Variants in HTN1 observed in about 807,000 individuals in gnomAD.
HTN1 encodes the protein histatin 1.
In HTN1, 18 loss-of-function variants were observed where a neutral mutation model predicts 11.2. The observed-to-expected ratio is 1.61, with a 90% CI of 1.12 to 2.39. HTN1 has a LOEUF of 2.39. Among genes scored for constraint, HTN1 ranks in the 30% most tolerant of loss-of-function variants. The pLI is 0.00. For missense variants in HTN1, 80 were observed against 67.2 expected (o/e 1.19, Z -0.67); for synonymous variants, 21 against 20.5 (o/e 1.02, Z -0.07).
intron 2 of HTN1, among the ~76,000 whole-genome samples, 174 bp from the exon 3 acceptor site, chr4:70,054,148 C>T (rs1466713239): frequency 1.3e-5 from 2 of 151,906 alleles, no homozygotes; most frequent in African/African-American, 2.4e-5. Context: ...ATAGCATTTA[C>T]CCCTCACTCA....
chr4:70,052,810 AAG>A (rs1725929756), intron 1 of HTN1: 1 of 305,206 alleles, frequency 3.3e-6, no homozygotes, highest in South Asian at 8.1e-5. Context: ...AAAAAAAAGA[AAG>A]AAAAAATTCG....
intron 2 of HTN1, among the ~76,000 whole-genome samples, chr4:70,053,851 T>A (rs1168827710): frequency 6.6e-6 from 1 of 152,074 alleles, no homozygotes; most frequent in Admixed American, 6.6e-5. Context: ...GAAACTGAAT[T>A]GGTTATGATA....
chr4:70,053,148 T>C (rs1208536947), intron 2 of HTN1, 21 bp downstream of exon 2: 1 of 1,495,438 alleles, frequency 6.7e-7, no homozygotes, highest in Non-Finnish European at 9.3e-7. Flanking sequence ...CTGGAAATTT[T>C]AAATACTACA....
At chr4:70,055,657 A>G (rs11249473) in intron 5 of HTN1, 55 bp downstream of exon 5, 19,267 of 800,404 alleles carry the variant, frequency 0.024, 316 homozygotes, top group East Asian at 0.041. Flanking sequence ...GACAGTTTAA[A>G]AAAAAAGCCA....
rs1195021647 is a variant in HTN1 at position 70,055,616 on chromosome 4, A to G, written c.*33+14A>G. The stretch of plus-strand genomic sequence containing the variant: ...ATGATTATAGAGGTAAGCTGACTCT[A>G]GTTGCTTGTCTTTCTAGAAGTGTCA... On this transcript the variant is annotated intron_variant, in intron 5 of 5. Transcript: ENST00000246896. 1.7e-6 allele frequency: 2 copies of G among 1,209,538 alleles called. No homozygotes were observed. Among genetic ancestry groups the G allele is most frequent in the Non-Finnish European group, 2.4e-6 (2 of 819,668 alleles). 74.9% of individuals were successfully genotyped at this position (1,209,538 alleles called of 1,614,324 possible).
At chr4:70,052,047 C>T (rs551096486) in intron 1 of HTN1, among the ~76,000 whole-genome samples, 30 of 152,206 alleles carry the variant, frequency 2.0e-4, no homozygotes, top group African/African-American at 6.3e-4. Flanking sequence ...GAACTGGATA[C>T]ACTTGCATAT....
chr4:70,053,154 C>G, intron 2 of HTN1, 27 bp downstream of exon 2: 1 of 1,461,956 alleles, frequency 6.8e-7, no homozygotes. Context: ...ATTTTAAATA[C>G]TACATTCTCA....
chr4:70,055,301 C>G (rs1369063536), intron 4 of HTN1, among the ~76,000 whole-genome samples, 197 bp from the exon 5 acceptor site: 1 of 151,946 alleles, frequency 6.6e-6, no homozygotes, highest in Admixed American at 6.6e-5. Flanking sequence ...ACAGTAAATA[C>G]TTTATCATTT....
intron 1 of HTN1, among the ~76,000 whole-genome samples, chr4:70,051,224 T>C (rs1162671469): frequency 2.0e-5 from 3 of 152,168 alleles, no homozygotes; most frequent in Admixed American, 6.5e-5. Context: ...AAAAATTTAC[T>C]TTCTTCTTAA....
At chr4:70,056,290 G>A (rs1726039507) in intron 5 of HTN1, 1 of 151,972 alleles carries the variant, frequency 6.6e-6, no homozygotes, top group African/African-American at 2.4e-5. Flanking sequence ...AATCAAGAAA[G>A]GATCTCCTAT....
At chr4:70,055,873 A>T (rs1447109433) in intron 5 of HTN1, 4 of 226,152 alleles carry the variant, frequency 1.8e-5, no homozygotes, top group Non-Finnish European at 2.6e-5. Context: ...GAAGTCAGGT[A>T]GTGTGATGCC....
At chr4:70,052,869 A>G (rs1479829547) in intron 1 of HTN1, 195 bp from the exon 2 acceptor site, 7 of 473,724 alleles carry the variant, frequency 1.5e-5, no homozygotes, top group Admixed American at 3.3e-5. Context: ...AAGTGGGACT[A>G]GGGAGGCTAA....
chr4:70,054,493 T>C (rs1725985091), intron 4 of HTN1, 43 bp downstream of exon 4: 1 of 1,240,374 alleles, frequency 8.1e-7, no homozygotes. Flanking sequence ...TAAATTTTCC[T>C]CTCTGACTAT....
At chr4:70,056,270 C>A (rs780016352) in intron 5 of HTN1, 1 of 151,662 alleles carries the variant, frequency 6.6e-6, no homozygotes, top group Non-Finnish European at 1.5e-5. Context: ...ACAAACCTGA[C>A]AAAACAAGTA....
chr4:70,056,647 C>G (rs1490660432), intron 5 of HTN1: 2 of 151,948 alleles, frequency 1.3e-5, no homozygotes, highest in African/African-American at 4.8e-5. Flanking sequence ...ATCTGTCGAG[C>G]TCTAATATCC....
chr4:70,056,744 C>T (rs752469994), intron 5 of HTN1: 1 of 150,060 alleles, frequency 6.7e-6, no homozygotes, highest in Admixed American at 6.8e-5. Context: ...ACAGATAGTT[C>T]TCAGAAGAAG....
rs1211415235 is a variant in HTN1 at position 70,053,110 on chromosome 4, C to G, written c.34C>G (p.Leu12Val). 3 of 1,608,214 alleles carry G rather than the reference C, an allele frequency of 1.9e-6. No homozygotes were observed. Among genetic ancestry groups the G allele is most frequent in the East Asian group, 2.2e-5 (1 of 44,844 alleles). ...KFFVFALVLA[L>V]MISMISADSH... ...TTTTGTCTTTGCTTTAGTCTTGGCT[C>G]TCATGATTTCCATGATTGTAAGTAT... The change falls in exon 2 of 6, where the codon CTC becomes GTC. Residue 12 changes from leucine (L) to valine (V), a missense_variant. Coordinates refer to ENST00000246896, the MANE Select transcript of HTN1 (RefSeq NM_002159.4).
chr4:70,053,401 A>C, intron 2 of HTN1, among the ~76,000 whole-genome samples: 1 of 152,178 alleles, frequency 6.6e-6, no homozygotes, highest in East Asian at 1.9e-4. Context: ...TGTGGGACTA[A>C]GATCTGTGAA....
At chr4:70,053,511 A>C (rs972743418) in intron 2 of HTN1, among the ~76,000 whole-genome samples, 2 of 152,190 alleles carry the variant, frequency 1.3e-5, no homozygotes, top group Admixed American at 1.3e-4. Flanking sequence ...GAGGGTGTCA[A>C]AATAGGAATT....
Sources: allele counts gnomAD v4.1 joint callset (sites outside exome capture counted in the v4.1 genomes callset), GRCh38; gene constraint gnomAD v4.1.1; transcripts MANE v1.5; gene names NCBI Gene and HGNC (gene_info 2026-07-23, HGNC 2026-07-21).